CENPE: variants seen among roughly 807,000 people sequenced by gnomAD.
CENPE encodes the protein centromere-associated protein E.
A neutral mutation model predicts 336.1 loss-of-function variants in CENPE; 145 were observed. The observed-to-expected ratio is 0.43, with a 90% CI of 0.38 to 0.50. The LOEUF (loss-of-function observed/expected upper bound fraction) is 0.50, where lower values mean the gene tolerates loss of function less well. CENPE is among the 20% of genes least tolerant of loss of function. The pLI is 0.00. For synonymous variants in CENPE, 1,013 were observed against 984.8 expected (o/e 1.03, Z -0.54); for missense variants, 2,719 against 3,023.3 (o/e 0.90, Z 2.36).
intron 40 of CENPE, among the ~76,000 whole-genome samples, chr4:103,135,699 A>G (rs1752007010): frequency 6.6e-6 from 1 of 152,188 alleles, no homozygotes. Context: ...CCTAAGTGGT[A>G]ATCAGATCCT....
rs1753155890 is a variant in CENPE at position 103,147,500 on chromosome 4, C to G, written c.3990G>C (p.Arg1330Ser). ...STTLARIEME[R>S]LRLNEKFQES... ...CTTGAAATTTTTCATTCAACCTGAG[C>G]CTTTCCATTTCTATTCTTGCCAGTG... The change falls in exon 29 of 49, where the codon AGG becomes AGC. Residue 1330 changes from arginine (R) to serine (S), a missense_variant. By Grantham distance (110) the Arg-to-Ser change is moderately radical. Around this residue, in one of 5 missense-constraint regions of CENPE, gnomAD observed 2,437 missense variants for 2,513.3 expected, o/e 0.97. Transcript: ENST00000265148. The G allele has an allele frequency of 6.2e-7, 1 of 1,613,996 alleles. No homozygotes were observed. The highest frequency in any genetic ancestry group is 8.5e-7 in the Non-Finnish European group (1 of 1,180,000).
chr4:103,174,957 T>C (rs1560661923), intron 15 of CENPE, 54 bp from the exon 16 acceptor site: 1 of 1,137,524 alleles, frequency 8.8e-7, no homozygotes, highest in East Asian at 3.1e-5. Flanking sequence ...ATTTTTTGTT[T>C]CCTTAATAAA....
Position 103,127,046 on chromosome 4 carries a change from G to A in CENPE, c.6925-3957C>T, listed in dbSNP as rs1578562680. Among the ~76,000 whole-genome samples the A allele has an allele frequency of 1.4e-5, 2 of 145,098 alleles. 1 individual carries two copies. Among genetic ancestry groups the A allele is most frequent in the South Asian group, 4.4e-4 (2 of 4,592 alleles). Reference sequence around the variant, plus strand: ...CTAAGAATTTCCACAGATTAACAACGTACACCAAACCAGGAATCCAGAAAA... The same window carrying A: ...CTAAGAATTTCCACAGATTAACAACATACACCAAACCAGGAATCCAGAAAA... On this transcript the variant is annotated intron_variant, in intron 42 of 48. Transcript: ENST00000265148.
At chr4:103,150,330 C>G (rs1478137002) in intron 26 of CENPE, among the ~76,000 whole-genome samples, 1 of 152,168 alleles carries the variant, frequency 6.6e-6, no homozygotes, top group South Asian at 2.1e-4. Flanking sequence ...ACCTGTAATC[C>G]TAGCACTTTG....
At position 103,158,820 on chromosome 4, in the gene CENPE, C is replaced by G; in HGVS notation, c.2668G>C (p.Glu890Gln). 1 of 1,612,966 alleles carries G rather than the reference C, an allele frequency of 6.2e-7. No homozygotes were observed. The highest frequency in any genetic ancestry group is 8.5e-7 in the Non-Finnish European group (1 of 1,179,432). Residue 890 changes from glutamate to glutamine, a missense_variant, in exon 23 of 49, where the codon GAA becomes CAA. By Grantham distance (29) the Glu-to-Gln change is conservative. Transcript: ENST00000265148. ...TTTTCTAATTGTTCCTTCAGCTGTTCCATCTCATTTAGTCTTTCTTGAACC... is the reference window on the plus strand; with the variant it reads ...TTTTCTAATTGTTCCTTCAGCTGTTGCATCTCATTTAGTCTTTCTTGAACC... ...REVQERLNEM[E>Q]QLKEQLENRD...
intron 46 of CENPE, among the ~76,000 whole-genome samples, chr4:103,113,567 AT>A (rs1446700156): frequency 7.0e-6 from 1 of 142,222 alleles, no homozygotes; most frequent in Non-Finnish European, 1.5e-5. Context: ...TATATAAGTA[AT>A]ATATATTTTA....
Position 103,145,239 on chromosome 4 carries a change from A to T in CENPE, c.4668T>A (p.His1556Gln). 6.2e-7 allele frequency: 1 copy of T among 1,613,586 alleles called. No individual in the cohort carries two copies. Among genetic ancestry groups the T allele is most frequent in the East Asian group, 2.2e-5 (1 of 44,816 alleles). Residue 1556 changes from histidine (H) to glutamine (Q), a missense_variant, in exon 32 of 49, where the codon CAT (histidine) becomes CAA (glutamine). His to Gln is a conservative substitution (Grantham distance 24, BLOSUM62 0). Coordinates refer to ENST00000265148, the MANE Select transcript of CENPE (RefSeq NM_001813.3). ...GTAGTGCTGAATCCTTGGCTTTGCG[A>T]TGCTCCTTGAATTGTTTCAGTTCAT... ...KVNELKQFKE[H>Q]RKAKDSALQS...
chr4:103,136,436 G>T, intron 39 of CENPE, 77 bp from the exon 40 acceptor site: 1 of 975,472 alleles, frequency 1.0e-6, no homozygotes, highest in Non-Finnish European at 1.5e-6. Context: ...CTCTAGAATT[G>T]TAACAAAACT....
Position 103,153,242 on chromosome 4 carries a change from G to A in CENPE, c.3042C>T (p.Gly1014=), listed in dbSNP as rs779763209. The A allele has an allele frequency of 1.2e-6, 2 of 1,603,366 alleles. No individual in the cohort carries two copies. The highest frequency in any genetic ancestry group is 2.2e-5 in the South Asian group (2 of 89,612). ...CTTCCAAATCCTGTTTTTTATCTATGCCAACCATCTAAAACATAAACACAT... is the reference window on the plus strand; with the variant it reads ...CTTCCAAATCCTGTTTTTTATCTATACCAACCATCTAAAACATAAACACAT... ...TKDEFQQKMV[G]IDKKQDLEAK... Residue 1014 remains glycine, a synonymous_variant, in exon 25 of 49, where the codon GGC becomes GGT. Coordinates refer to ENST00000265148, the MANE Select transcript of CENPE (RefSeq NM_001813.3).
chr4:103,165,585 A>T (rs1754835179), intron 16 of CENPE, among the ~76,000 whole-genome samples: 2 of 152,212 alleles, frequency 1.3e-5, no homozygotes, highest in South Asian at 4.1e-4. Context: ...ACATACACAT[A>T]GACTTATATT....
rs1753242921 is a variant in CENPE, at chr4:103,148,364, C to CTCTT, written c.3843+476_3843+479dup. On this transcript the variant is annotated intron_variant, in intron 28 of 48. Transcript: ENST00000265148. Reference sequence around the variant, plus strand: ...TTTTTCTATGTGTATAGATTGATTTCTCTTTCCATGATAAATTAGTGGTAC... The same window carrying CTCTT: ...TTTTTCTATGTGTATAGATTGATTTCTCTTTCTTTCCATGATAAATTAGTGGTAC... 2.0e-5 allele frequency among the ~76,000 whole-genome samples: 3 copies of CTCTT among 152,164 alleles called. No individual in the cohort carries two copies. The South Asian group carries it at 6.2e-4, about 32-fold the overall frequency.
At chr4:103,171,524 GAGA>G (rs1376640227) in intron 16 of CENPE, among the ~76,000 whole-genome samples, 1 of 151,862 alleles carries the variant, frequency 6.6e-6, no homozygotes, top group Non-Finnish European at 1.5e-5. Context: ...AGTTCTAAAA[GAGA>G]AGTTTATAGT....
At chr4:103,183,956 C>G (rs1403569518) in intron 9 of CENPE, among the ~76,000 whole-genome samples, 1 of 152,166 alleles carries the variant, frequency 6.6e-6, no homozygotes, top group Non-Finnish European at 1.5e-5. Context: ...AAACACTGAT[C>G]TTTTTCATTC....
intron 35 of CENPE, among the ~76,000 whole-genome samples, 165 bp downstream of exon 35, chr4:103,141,585 G>A (rs1338618149): frequency 6.6e-6 from 1 of 152,022 alleles, no homozygotes; most frequent in Non-Finnish European, 1.5e-5. Context: ...TTTCTCTTAT[G>A]TACATACCCA....
rs755565079 is a variant in CENPE at position 103,153,046 on chromosome 4, C to A, written c.3237+1G>T. On this transcript the variant is annotated splice_donor_variant, in intron 25 of 48. Transcript: ENST00000265148. LOFTEE classifies it high-confidence loss of function. ...GCCAAGTATACAGTGCTAAATCCTACCATTTCAATATTTTCCTTTAGGTCA... is the reference window on the plus strand; with the variant it reads ...GCCAAGTATACAGTGCTAAATCCTAACATTTCAATATTTTCCTTTAGGTCA... The A allele has an allele frequency of 6.2e-7, 1 of 1,605,082 alleles. No homozygotes were observed. The highest frequency in any genetic ancestry group is 1.1e-5 in the South Asian group (1 of 89,592).
chr4:103,157,330 G>A (rs761485992), intron 24 of CENPE, among the ~76,000 whole-genome samples: 4 of 151,980 alleles, frequency 2.6e-5, no homozygotes, highest in Non-Finnish European at 5.9e-5. Flanking sequence ...CCAATAATGG[G>A]TAGAAGCAAC....
At chr4:103,163,401 C>T (rs1754624988) in intron 17 of CENPE, 78 bp downstream of exon 17, 1 of 1,271,820 alleles carries the variant, frequency 7.9e-7, no homozygotes, top group Non-Finnish European at 1.1e-6. Context: ...TTATTTCTGA[C>T]ATCATGTTCA....
intron 11 of CENPE, among the ~76,000 whole-genome samples, chr4:103,182,143 G>A (rs1756377446): frequency 6.6e-6 from 1 of 151,030 alleles, no homozygotes; most frequent in African/African-American, 2.4e-5. Context: ...CTAGGCTGGA[G>A]TGCAATGGCG....
At chr4:103,144,236 T>C (rs1170602242) in intron 33 of CENPE, 95 bp downstream of exon 33, 5 of 1,149,786 alleles carry the variant, frequency 4.3e-6, no homozygotes, top group Non-Finnish European at 4.9e-6. Flanking sequence ...GCGCCCGGCC[T>C]GGACCAATTT....
Sources: gnomAD v4.1 joint callset for allele counts (sites outside exome capture counted in the v4.1 genomes callset) on GRCh38, gnomAD v4.1.1 for gene constraint, gnomAD v4.1.1 regional missense constraint, MANE v1.5 for transcripts, NCBI Gene and HGNC (gene_info 2026-07-23, HGNC 2026-07-21) for gene names.